The following ZNF609 variants were observed in gnomAD, a reference collection of about 807,000 sequenced individuals.
The protein encoded by ZNF609 is zinc finger protein 609.
A neutral mutation model predicts 109.5 loss-of-function variants in ZNF609; 11 were observed. The ratio of observed to expected loss-of-function variants is 0.10; its 90% CI spans 0.06 to 0.17. The LOEUF (loss-of-function observed/expected upper bound fraction) is 0.17, where lower values mean the gene tolerates loss of function less well. Ranked by LOEUF, ZNF609 falls within the 10% of genes least tolerant of loss-of-function variation. The pLI is 1.00. For synonymous variants in ZNF609, 646 were observed against 662.0 expected (o/e 0.98, Z 0.37); for missense variants, 1,559 against 1,772.4 (o/e 0.88, Z 2.16).
At chr15:64,576,906 AT>A (rs1894964437) in intron 2 of ZNF609, among the ~76,000 whole-genome samples, 1 of 132,034 alleles carries the variant, frequency 7.6e-6, no homozygotes, top group Admixed American at 7.6e-5. Flanking sequence ...ATACATATAT[AT>A]GTATATATAC....
At chr15:64,629,631 G>A (rs551813256) in intron 3 of ZNF609, among the ~76,000 whole-genome samples, 1 of 152,302 alleles carries the variant, frequency 6.6e-6, no homozygotes, top group East Asian at 1.9e-4. Flanking sequence ...TTTCCCAGAA[G>A]CCACACCATA....
At chr15:64,563,339 C>T (rs1195970226) in intron 2 of ZNF609, among the ~76,000 whole-genome samples, 1 of 10 alleles carries the variant, frequency 0.1, no homozygotes, top group African/African-American at 0.5. Flanking sequence ...AGTCCCAGCT[C>T]CCTCGGGAGG....
intron 3 of ZNF609, among the ~76,000 whole-genome samples, chr15:64,639,064 A>C (rs56032804): frequency 0.019 from 2,856 of 152,288 alleles, 33 homozygotes; most frequent in Non-Finnish European, 0.027. Flanking sequence ...GTTTGAAACC[A>C]GCCTGGGCAA....
chr15:64,508,420 GA>G (rs1381490436), intron 2 of ZNF609, among the ~76,000 whole-genome samples: 2 of 152,114 alleles, frequency 1.3e-5, no homozygotes, highest in African/African-American at 4.8e-5. Context: ...AAGCCTTTGT[GA>G]AGTGGGGAGA....
intron 3 of ZNF609, among the ~76,000 whole-genome samples, chr15:64,623,461 T>G (rs1218736142): frequency 6.6e-6 from 1 of 152,214 alleles, no homozygotes; most frequent in African/African-American, 2.4e-5. Flanking sequence ...TCACTTAATG[T>G]TGGCTCATTG....
chr15:64,581,108 C>A (rs1356737956), intron 2 of ZNF609, among the ~76,000 whole-genome samples: 1 of 151,866 alleles, frequency 6.6e-6, no homozygotes, highest in Non-Finnish European at 1.5e-5. Context: ...ACACTGTGAC[C>A]TTGAACTCCT....
chr15:64,484,324 G>A (rs562065816), intron 1 of ZNF609, among the ~76,000 whole-genome samples: 164 of 152,184 alleles, frequency 1.1e-3, no homozygotes, highest in Non-Finnish European at 2.1e-3. Context: ...GAGGGAGAAA[G>A]TCTAAACTAC....
Position 64,685,148 on chromosome 15 carries a change from C to A in ZNF609, c.*3462C>A, listed in dbSNP as rs1251514604. ...CTTCCCTTCTGTAAAGTGTACATTACCAAGTTCCTTGTTTTTTTATATATA... is the reference window on the plus strand; with the variant it reads ...CTTCCCTTCTGTAAAGTGTACATTAACAAGTTCCTTGTTTTTTTATATATA... On this transcript the variant is annotated 3_prime_UTR_variant, in exon 10 of 10. Transcript: ENST00000326648. 6.6e-6 allele frequency: 1 copy of A among 151,522 alleles called. No individual in the cohort carries two copies. The highest frequency in any genetic ancestry group is 2.1e-4 in the South Asian group (1 of 4,818). The allele number at this position is 151,522 out of a possible 1,614,324, so 9.4% of individuals were successfully genotyped here. A position where few individuals can be genotyped will look rare whatever the true frequency, so the allele number is the denominator to read the frequency against.
intron 1 of ZNF609, among the ~76,000 whole-genome samples, chr15:64,481,865 A>G (rs1354145074): frequency 2.6e-5 from 4 of 151,504 alleles, no homozygotes; most frequent in African/African-American, 9.7e-5. Context: ...GCTCACTTCA[A>G]CCTCCACCTC....
intron 1 of ZNF609, among the ~76,000 whole-genome samples, chr15:64,493,496 A>C (rs1186801711): frequency 6.6e-6 from 1 of 152,202 alleles, no homozygotes; most frequent in African/African-American, 2.4e-5. Flanking sequence ...GGGTAAATAC[A>C]GGGTATGGAA....
chr15:64,510,989 ATT>A (rs35191543), intron 2 of ZNF609, among the ~76,000 whole-genome samples: 6,220 of 127,046 alleles, frequency 0.049, 329 homozygotes, highest in African/African-American at 0.14. Context: ...CATAGCATTG[ATT>A]TTTTTTTTTT....
chr15:64,659,355 A>G (rs1254817750), intron 3 of ZNF609, among the ~76,000 whole-genome samples: 2 of 152,182 alleles, frequency 1.3e-5, no homozygotes, highest in Admixed American at 6.5e-5. Context: ...ATTTTTCCCC[A>G]TGGACTTTGA....
chr15:64,555,655 G>A (rs1449270711), intron 2 of ZNF609, among the ~76,000 whole-genome samples: 19 of 151,366 alleles, frequency 1.3e-4, no homozygotes, highest in Middle Eastern at 3.5e-3. Context: ...AGGCCAAGGC[G>A]GGCAGATCAC....
At chr15:64,473,456 C>G (rs1362415677) in intron 1 of ZNF609, among the ~76,000 whole-genome samples, 2 of 151,906 alleles carry the variant, frequency 1.3e-5, no homozygotes, top group Admixed American at 6.6e-5. Flanking sequence ...CTCGGCCTCC[C>G]AAAGTGCTGG....
At chr15:64,662,575 T>G (rs1015783867) in intron 3 of ZNF609, among the ~76,000 whole-genome samples, 4 of 152,224 alleles carry the variant, frequency 2.6e-5, no homozygotes, top group Admixed American at 2.6e-4. Context: ...TCCTCCCACC[T>G]TGGCCTCCCA....
chr15:64,549,965 C>G (rs147138821), intron 2 of ZNF609, among the ~76,000 whole-genome samples: 57 of 151,896 alleles, frequency 3.8e-4, no homozygotes, highest in African/African-American at 1.2e-3. Context: ...TTTTTCTTTT[C>G]TTCATGTTTT....
intron 2 of ZNF609, among the ~76,000 whole-genome samples, chr15:64,550,829 T>A (rs1894455914): frequency 7.3e-6 from 1 of 137,588 alleles, no homozygotes; most frequent in Admixed American, 7.2e-5. Context: ...ACAGTGAGAC[T>A]CTGTCTCGGG....
At chr15:64,500,246 T>C in intron 2 of ZNF609, 80 bp downstream of exon 2, 1 of 1,542,958 alleles carries the variant, frequency 6.5e-7, no homozygotes, top group Middle Eastern at 1.7e-4. Flanking sequence ...CTATGTGTAC[T>C]CTGTGGGAGG....
chr15:64,577,894 G>T (rs1434057449), intron 2 of ZNF609, among the ~76,000 whole-genome samples: 5 of 151,544 alleles, frequency 3.3e-5, no homozygotes, highest in Non-Finnish European at 7.4e-5. Flanking sequence ...AGTGGCTTAT[G>T]CCTGTAACCC....
Sources: allele counts gnomAD v4.1 joint callset (sites outside exome capture counted in the v4.1 genomes callset), GRCh38; gene constraint gnomAD v4.1.1; transcripts MANE v1.5; gene names NCBI Gene and HGNC (gene_info 2026-07-23, HGNC 2026-07-21).